The following ZDHHC14 variants were observed in gnomAD, a reference collection of about 807,000 sequenced individuals.
The protein encoded by ZDHHC14 is zDHHC palmitoyltransferase 14.
In ZDHHC14, 16 loss-of-function variants were observed where a neutral mutation model predicts 47.7. That is an observed-to-expected ratio of 0.34 (90% CI 0.23 to 0.51). ZDHHC14 has a LOEUF of 0.51. Among genes scored for constraint, ZDHHC14 ranks in the 20% least tolerant of loss-of-function variants. ZDHHC14 has a pLI of 0.97. For synonymous variants in ZDHHC14, 293 were observed against 278.9 expected (o/e 1.05, Z -0.50); for missense variants, 515 against 662.5 (o/e 0.78, Z 2.44).
intron 7 of ZDHHC14, among the ~76,000 whole-genome samples, chr6:157,649,871 CTT>C (rs1777736305): frequency 6.6e-6 from 1 of 152,254 alleles, no homozygotes; most frequent in African/African-American, 2.4e-5. Flanking sequence ...TCACACCAGA[CTT>C]GGGCTGGTTC....
intron 4 of ZDHHC14, chr6:157,629,311 C>T (rs964250510): frequency 2.6e-5 from 4 of 152,194 alleles, no homozygotes; most frequent in African/African-American, 9.7e-5. Flanking sequence ...CCAACAGCAA[C>T]ACTAAGCACT....
At chr6:157,647,672 G>A (rs1415287131) in intron 7 of ZDHHC14, among the ~76,000 whole-genome samples, 1 of 152,244 alleles carries the variant, frequency 6.6e-6, no homozygotes. Flanking sequence ...GAAGGTGCGT[G>A]CAGGGAGCTG....
intron 1 of ZDHHC14, among the ~76,000 whole-genome samples, chr6:157,430,053 A>T (rs563524663): frequency 6.6e-6 from 1 of 152,316 alleles, no homozygotes; most frequent in East Asian, 1.9e-4. Context: ...AATGGCTTAA[A>T]ATAGCACACA....
intron 2 of ZDHHC14, among the ~76,000 whole-genome samples, chr6:157,561,367 C>A (rs1782701147): frequency 6.7e-6 from 1 of 149,484 alleles, no homozygotes; most frequent in South Asian, 2.1e-4. Flanking sequence ...AGAATAGAAT[C>A]CCGTGGAGGT....
intron 1 of ZDHHC14, among the ~76,000 whole-genome samples, chr6:157,471,500 C>A (rs141453233): frequency 6.6e-6 from 1 of 152,320 alleles, no homozygotes; most frequent in East Asian, 1.9e-4. Context: ...GCAATTCCAG[C>A]ATCTGTGCAA....
At chr6:157,486,592 AG>A (rs1779784198) in intron 1 of ZDHHC14, among the ~76,000 whole-genome samples, 1 of 152,070 alleles carries the variant, frequency 6.6e-6, no homozygotes, top group Non-Finnish European at 1.5e-5. Context: ...GGGGGTCCAG[AG>A]ATAGGAGATG....
intron 3 of ZDHHC14, among the ~76,000 whole-genome samples, chr6:157,622,254 G>A (rs140232211): frequency 0.029 from 4,313 of 150,870 alleles, 123 homozygotes; most frequent in African/African-American, 0.079. Context: ...CAGATGTGGC[G>A]GCGTGCATGC....
chr6:157,656,162 G>A (rs111486159), intron 8 of ZDHHC14, among the ~76,000 whole-genome samples: 11 of 152,128 alleles, frequency 7.2e-5, no homozygotes, highest in African/African-American at 2.7e-4. Flanking sequence ...AAATGCTAGC[G>A]TTCATTTGCC....
At chr6:157,631,035 CAT>C (rs1785702700) in intron 4 of ZDHHC14, 2 of 139,474 alleles carry the variant, frequency 1.4e-5, no homozygotes, top group African/African-American at 5.4e-5. Context: ...CACTCACACA[CAT>C]ACCCTTACCC....
At chr6:157,607,202 C>T (rs963919148) in intron 3 of ZDHHC14, among the ~76,000 whole-genome samples, 7 of 152,144 alleles carry the variant, frequency 4.6e-5, no homozygotes, top group African/African-American at 1.7e-4. Flanking sequence ...GGCTTCATCA[C>T]ACACACAAGA....
chr6:157,604,552 CTTTT>C (rs10533378), intron 3 of ZDHHC14, among the ~76,000 whole-genome samples: 145 of 148,152 alleles, frequency 9.8e-4, no homozygotes, highest in African/African-American at 3.5e-3. Flanking sequence ...ATTTGTTACT[CTTTT>C]TTTTTTTTTG....
At chr6:157,402,808 C>A (rs577465810) in intron 1 of ZDHHC14, among the ~76,000 whole-genome samples, 3 of 152,300 alleles carry the variant, frequency 2.0e-5, no homozygotes, top group African/African-American at 7.2e-5. Context: ...CTCATTCCAA[C>A]CTCCGCCTCC....
intron 2 of ZDHHC14, among the ~76,000 whole-genome samples, chr6:157,553,608 C>G (rs555100721): frequency 6.6e-6 from 1 of 151,030 alleles, no homozygotes; most frequent in East Asian, 2.0e-4. Context: ...TTTCTCACTT[C>G]TTTACTTTAG....
intron 1 of ZDHHC14, among the ~76,000 whole-genome samples, chr6:157,481,268 C>T (rs1186204888): frequency 2.0e-5 from 3 of 152,158 alleles, no homozygotes; most frequent in Admixed American, 2.0e-4. Flanking sequence ...AGATGAGCAA[C>T]TTATGTCTGC....
intron 1 of ZDHHC14, among the ~76,000 whole-genome samples, chr6:157,430,001 G>A (rs544869715): frequency 1.3e-5 from 2 of 152,282 alleles, no homozygotes; most frequent in Non-Finnish European, 2.9e-5. Flanking sequence ...TGGATAACAC[G>A]ATGTGTTTGC....
At chr6:157,575,932 C>T (rs1046588538) in intron 2 of ZDHHC14, among the ~76,000 whole-genome samples, 1 of 152,240 alleles carries the variant, frequency 6.6e-6, no homozygotes, top group East Asian at 1.9e-4. Flanking sequence ...CCTTGCAGGA[C>T]TCACTACTCG....
chr6:157,549,344 T>A (rs1201847324), intron 2 of ZDHHC14, among the ~76,000 whole-genome samples: 1 of 152,192 alleles, frequency 6.6e-6, no homozygotes, highest in Non-Finnish European at 1.5e-5. Context: ...TTCCAGACAA[T>A]CTAACTCCCC....
intron 7 of ZDHHC14, among the ~76,000 whole-genome samples, chr6:157,649,607 G>A (rs1334184095): frequency 6.6e-6 from 1 of 152,202 alleles, no homozygotes; most frequent in Non-Finnish European, 1.5e-5. Flanking sequence ...CCAGACCCCT[G>A]TGCTTGAGTT....
At chr6:157,457,098 C>T (rs1355516113) in intron 1 of ZDHHC14, among the ~76,000 whole-genome samples, 3 of 150,584 alleles carry the variant, frequency 2.0e-5, no homozygotes, top group African/African-American at 4.9e-5. Context: ...CGCTTGAACT[C>T]GGGAGGTGGA....
Sources: allele counts gnomAD v4.1 joint callset (sites outside exome capture counted in the v4.1 genomes callset), GRCh38; gene constraint gnomAD v4.1.1; transcripts MANE v1.5; gene names NCBI Gene and HGNC (gene_info 2026-07-23, HGNC 2026-07-21).